Variants in SHANK2 observed in about 807,000 individuals in gnomAD.
The protein encoded by SHANK2 is SH3 and multiple ankyrin repeat domains protein 2.
SHANK2 carries 43 observed loss-of-function variants against 133.7 expected under a neutral mutation model. The ratio of observed to expected loss-of-function variants is 0.32; its 90% confidence interval spans 0.25 to 0.41. SHANK2 has a LOEUF of 0.41. SHANK2 is among the 10% of genes least tolerant of loss of function. SHANK2 has a pLI of 1.00. For missense variants in SHANK2, 1,994 were observed against 2,235.8 expected, an observed-to-expected ratio of 0.89 and a Z score of 2.18; for synonymous variants, 1,017 against 952.8, an observed-to-expected ratio of 1.07 and a Z score of -1.24.
At chr11:70,619,108 TG>T (rs1260532776) in intron 17 of SHANK2, among the ~76,000 whole-genome samples, 1 of 152,200 alleles carries the variant, frequency 6.6e-6, no homozygotes, top group African/African-American at 2.4e-5. Context: ...GCCCAGCCTG[TG>T]ACACTCTAAG....
At position 70,839,394 on chromosome 11, in the gene SHANK2, A is replaced by G. The variant is rs572608757; in HGVS notation, c.1175-18712T>C. Reference sequence around the variant, plus strand: ...CCACAGCCCGTGGTATCCGGCAGCCAGCGCAGTCTCCCCAGGTCTGGAGGC... The same window carrying G: ...CCACAGCCCGTGGTATCCGGCAGCCGGCGCAGTCTCCCCAGGTCTGGAGGC... On this transcript the variant is annotated intron_variant, in intron 11 of 25. Coordinates refer to ENST00000601538, the MANE Select transcript of SHANK2 (RefSeq NM_012309.5). Among the ~76,000 whole-genome samples the G allele has an allele frequency of 5.9e-5, 9 of 152,296 alleles. No individual in the cohort carries two copies. In the South Asian group the frequency reaches 1.9e-3, roughly 32 times the overall value.
chr11:70,776,493 G>A (rs1555043922), intron 14 of SHANK2, among the ~76,000 whole-genome samples: 1 of 152,176 alleles, frequency 6.6e-6, no homozygotes, highest in African/African-American at 2.4e-5. Flanking sequence ...GTATCGCCAA[G>A]AGCCTCATGC....
intron 8 of SHANK2, among the ~76,000 whole-genome samples, chr11:71,089,483 T>G (rs1189951795): frequency 6.6e-6 from 1 of 151,624 alleles, no homozygotes; most frequent in East Asian, 2.0e-4. Context: ...CGTCTTTCTA[T>G]CTCATGTCTG....
At chr11:70,548,549 C>A (rs1457271483) in intron 17 of SHANK2, among the ~76,000 whole-genome samples, 7 of 152,210 alleles carry the variant, frequency 4.6e-5, no homozygotes, top group African/African-American at 1.7e-4. Flanking sequence ...CTGTCCTTCC[C>A]CTTCCAGAGT....
chr11:70,550,474 T>C (rs951617340), intron 17 of SHANK2, among the ~76,000 whole-genome samples: 10 of 152,212 alleles, frequency 6.6e-5, no homozygotes, highest in African/African-American at 1.7e-4. Flanking sequence ...TGCTTCTCAC[T>C]ATACCAGGGT....
intron 15 of SHANK2, chr11:70,668,173 C>G (rs1404392292): frequency 4.6e-5 from 7 of 152,174 alleles, no homozygotes; most frequent in African/African-American, 1.7e-4. Context: ...AATTCCTAAC[C>G]CCCAGCGTCT....
At chr11:70,538,175 A>C (rs1038335534) in intron 17 of SHANK2, among the ~76,000 whole-genome samples, 8 of 152,188 alleles carry the variant, frequency 5.3e-5, no homozygotes, top group African/African-American at 1.9e-4. Flanking sequence ...TAAGGCCAGA[A>C]AGCTGAGTCA....
At chr11:70,943,963 G>T in intron 10 of SHANK2, 1 of 456,694 alleles carries the variant, frequency 2.2e-6, no homozygotes. Context: ...TGCCAGGGAA[G>T]ATGAGAGTTT....
chr11:71,220,118 A>G (rs1341978753), intron 2 of SHANK2, among the ~76,000 whole-genome samples: 1 of 151,964 alleles, frequency 6.6e-6, no homozygotes, highest in African/African-American at 2.4e-5. Context: ...TGTGGTCCCA[A>G]CTACTCAGGA....
At chr11:70,656,728 C>G (rs564231) in intron 17 of SHANK2, among the ~76,000 whole-genome samples, 60,414 of 151,924 alleles carry the variant, frequency 0.4, 12,670 homozygotes, top group African/African-American at 0.53. Context: ...CTTTTATTAC[C>G]ACACAGCTTG....
chr11:70,944,492 C>T, intron 10 of SHANK2, among the ~76,000 whole-genome samples: 1 of 152,240 alleles, frequency 6.6e-6, no homozygotes, highest in East Asian at 1.9e-4. Flanking sequence ...ACCTCTGGGA[C>T]CGTCTCACTG....
At chr11:70,660,475 C>T (rs1200482941) in intron 16 of SHANK2, among the ~76,000 whole-genome samples, 1 of 152,192 alleles carries the variant, frequency 6.6e-6, no homozygotes, top group Non-Finnish European at 1.5e-5. Flanking sequence ...GAGTCCAGGC[C>T]TCTGTGACCA....
chr11:70,526,433 T>G (rs2059397977), intron 17 of SHANK2, among the ~76,000 whole-genome samples: 1 of 152,150 alleles, frequency 6.6e-6, no homozygotes. Context: ...GCTTCACCTT[T>G]CCACATGCAG....
At chr11:71,123,996 CTGATGATGAGGGTGGTTGTAATGG>C (rs1263821633) in intron 3 of SHANK2, among the ~76,000 whole-genome samples, 1 of 150,740 alleles carries the variant, frequency 6.6e-6, no homozygotes, top group East Asian at 2.0e-4. Flanking sequence ...GGTGGTGATG[CTGATGATGAGGGTGGTTGTAATGG>C]TGATGATGGT....
chr11:71,071,034 C>A (rs1339766672), intron 9 of SHANK2, among the ~76,000 whole-genome samples: 1 of 152,240 alleles, frequency 6.6e-6, no homozygotes, highest in African/African-American at 2.4e-5. Flanking sequence ...GAAACATCAA[C>A]ACTTTCAAAT....
chr11:70,946,699 G>A (rs1950744893), intron 10 of SHANK2, among the ~76,000 whole-genome samples: 1 of 138,472 alleles, frequency 7.2e-6, no homozygotes, highest in South Asian at 2.4e-4. Flanking sequence ...ACCCTTCCCA[G>A]ACTCACCCTC....
intron 2 of SHANK2, among the ~76,000 whole-genome samples, chr11:71,202,488 A>C (rs1353188557): frequency 6.6e-6 from 1 of 152,200 alleles, no homozygotes; most frequent in Non-Finnish European, 1.5e-5. Context: ...GACAAGGCAG[A>C]GCTAGGACCC....
chr11:70,502,951 A>G lies in SHANK2; in HGVS notation c.2062-20T>C. On this transcript the variant is annotated intron_variant, in intron 17 of 25. Coordinates refer to ENST00000601538, the MANE Select transcript of SHANK2 (RefSeq NM_012309.5). ...GTTAACCTGTGGGAAGGCGGAGAGG[A>G]TGGCATCAGTGAGAGCCAGCGGAGA... 1 of 1,613,950 alleles carries G rather than the reference A, an allele frequency of 6.2e-7. No individual in the cohort carries two copies. The highest frequency in any genetic ancestry group is 1.7e-5 in the Admixed American group (1 of 60,018).
At chr11:70,850,251 C>T (rs1949064971) in intron 11 of SHANK2, among the ~76,000 whole-genome samples, 1 of 152,180 alleles carries the variant, frequency 6.6e-6, no homozygotes, top group Admixed American at 6.5e-5. Context: ...ATCAGAGAAG[C>T]CAAACAACAT....
Sources: gnomAD v4.1 joint callset for allele counts (sites outside exome capture counted in the v4.1 genomes callset) on GRCh38, gnomAD v4.1.1 for gene constraint, MANE v1.5 for transcripts, NCBI Gene and HGNC (gene_info 2026-07-23, HGNC 2026-07-21) for gene names.